The following DLG2 variants were observed in gnomAD, a reference collection of about 807,000 sequenced individuals.
The protein encoded by DLG2 is disks large homolog 2.
DLG2 carries 45 observed loss-of-function variants against 132.5 expected under a neutral mutation model. The observed-to-expected ratio is 0.34, with a 90% CI of 0.27 to 0.44. The LOEUF (loss-of-function observed/expected upper bound fraction) is 0.44, where lower values mean the gene tolerates loss of function less well. Among genes scored for constraint, DLG2 ranks in the 20% least tolerant of loss-of-function variants. The probability of loss-of-function intolerance (pLI) is 1.00; values close to 1 mark genes in which losing one functional copy is unlikely to be tolerated. For missense variants in DLG2, 1,045 were observed against 1,196.9 expected (o/e 0.87, Z 1.87); for synonymous variants, 424 against 419.6 (o/e 1.01, Z -0.13).
rs948467894 is a variant in DLG2, at chr11:85,459,967, T to C, written c.40+138690A>G. ...GGAGATCTGTACCACTCCCTAAACA[T>C]TAAGTACTCTGCAGAGCCTGAAGGC... On this transcript the variant is annotated intron_variant, in intron 3 of 27. Coordinates refer to ENST00000376104, the MANE Select transcript of DLG2 (RefSeq NM_001142699.3). Among the ~76,000 whole-genome samples the C allele has an allele frequency of 5.9e-5, 9 of 152,090 alleles. 1 individual carries two copies. In the South Asian group the frequency reaches 8.3e-4, roughly 14 times the overall value.
chr11:83,695,111 C>T (rs1254680458), intron 18 of DLG2, among the ~76,000 whole-genome samples: 2 of 152,200 alleles, frequency 1.3e-5, no homozygotes, highest in Admixed American at 1.3e-4. Flanking sequence ...ATTCAACTAT[C>T]ATTCCATGTG....
intron 6 of DLG2, among the ~76,000 whole-genome samples, chr11:84,565,256 G>A (rs1166503318): frequency 6.6e-6 from 1 of 152,168 alleles, no homozygotes; most frequent in African/African-American, 2.4e-5. Flanking sequence ...CCTGTAAAAT[G>A]TCTCTATTAG....
intron 7 of DLG2, among the ~76,000 whole-genome samples, chr11:84,425,433 T>G (rs1457743535): frequency 1.3e-5 from 2 of 152,172 alleles, no homozygotes; most frequent in African/African-American, 4.8e-5. Context: ...CATTTTATCC[T>G]GCTTTTTTCA....
Position 84,323,277 on chromosome 11 carries a change from A to C in DLG2, c.520-71986T>G, listed in dbSNP as rs74361555. 7.5e-3 allele frequency among the ~76,000 whole-genome samples: 1,141 copies of C among 152,300 alleles called. 15 individuals are homozygous for C. Among genetic ancestry groups the C allele is most frequent in the African/African-American group, 0.026 (1,063 of 41,560 alleles). On this transcript the variant is annotated intron_variant, in intron 7 of 27. Coordinates refer to ENST00000376104, the MANE Select transcript of DLG2 (RefSeq NM_001142699.3). ...AGTTTGACTAGTTCAGATACTTCTT[A>C]TAAGCAGCATAATACCATATTTGTC...
chr11:84,175,450 TC>T (rs1244715034), intron 8 of DLG2, among the ~76,000 whole-genome samples: 2 of 152,142 alleles, frequency 1.3e-5, no homozygotes, highest in Admixed American at 6.6e-5. Flanking sequence ...ATCTTTAAAA[TC>T]CCTTTTATTC....
intron 3 of DLG2, among the ~76,000 whole-genome samples, chr11:85,312,467 C>T (rs2080375983): frequency 6.6e-6 from 1 of 150,872 alleles, no homozygotes; most frequent in Non-Finnish European, 1.5e-5. Context: ...ATAAACTTAC[C>T]ATATTTAACA....
intron 16 of DLG2, among the ~76,000 whole-genome samples, chr11:83,856,609 T>C (rs1237160434): frequency 1.3e-5 from 2 of 152,220 alleles, no homozygotes; most frequent in African/African-American, 4.8e-5. Flanking sequence ...TATTTTCATA[T>C]GATAGCTGGC....
At chr11:84,655,740 T>G (rs987467651) in intron 6 of DLG2, among the ~76,000 whole-genome samples, 2 of 130,724 alleles carry the variant, frequency 1.5e-5, no homozygotes, top group African/African-American at 5.7e-5. Flanking sequence ...TTTTGTTTGT[T>G]TTTTTTTTTT....
intron 3 of DLG2, among the ~76,000 whole-genome samples, chr11:85,446,806 T>C (rs2092030788): frequency 6.6e-6 from 1 of 151,786 alleles, no homozygotes; most frequent in Non-Finnish European, 1.5e-5. Context: ...TGTGTGTGTG[T>C]GTGTGTGTGT....
intron 7 of DLG2, among the ~76,000 whole-genome samples, chr11:84,433,364 C>T (rs937039087): frequency 2.6e-5 from 4 of 152,052 alleles, no homozygotes; most frequent in African/African-American, 9.7e-5. Flanking sequence ...CTTCAACTGG[C>T]CTTTTAGAGT....
intron 15 of DLG2, among the ~76,000 whole-genome samples, chr11:83,875,403 G>C (rs2064502698): frequency 6.6e-6 from 1 of 152,164 alleles, no homozygotes; most frequent in African/African-American, 2.4e-5. Flanking sequence ...TTGAGATACA[G>C]AGAGGATTAG....
chr11:85,038,776 AG>A, intron 6 of DLG2, among the ~76,000 whole-genome samples: 1 of 152,100 alleles, frequency 6.6e-6, no homozygotes, highest in Non-Finnish European at 1.5e-5. Context: ...GGTTGAATGA[AG>A]GCTGTAGCAT....
intron 2 of DLG2, chr11:85,625,238 C>G (rs2081972406): frequency 6.6e-6 from 1 of 152,038 alleles, no homozygotes; most frequent in African/African-American, 2.4e-5. Context: ...ATAAGGTAAT[C>G]CAAAAGAAAC....
intron 3 of DLG2, among the ~76,000 whole-genome samples, chr11:85,312,383 C>T (rs1489713417): frequency 6.7e-6 from 1 of 150,316 alleles, no homozygotes; most frequent in Non-Finnish European, 1.5e-5. Context: ...TAATTTATAA[C>T]CTTATAAGTA....
At chr11:85,255,335 G>A (rs1031611902) in intron 4 of DLG2, among the ~76,000 whole-genome samples, 8 of 151,984 alleles carry the variant, frequency 5.3e-5, no homozygotes, top group Non-Finnish European at 1.0e-4. Context: ...ATATACAAAG[G>A]ATATTACATA....
At position 84,663,244 on chromosome 11, in the gene DLG2, TATA is replaced by T. The variant is rs749338263; in HGVS notation, c.358-128516_358-128514del. 5.2e-3 allele frequency among the ~76,000 whole-genome samples: 424 copies of T among 81,620 alleles called. 3 individuals are homozygous for T. The highest frequency in any genetic ancestry group is 0.019 in the African/African-American group (346 of 18,354). 53.5% of individuals were successfully genotyped at this position (81,620 alleles called of 152,430 possible). On this transcript the variant is annotated intron_variant, in intron 6 of 27. Coordinates refer to ENST00000376104, the MANE Select transcript of DLG2 (RefSeq NM_001142699.3). ...CCTTTACAGGTTATATATATATATA[TATA>T]TATTTTTTTTTCATATATTCTGCAT...
intron 3 of DLG2, among the ~76,000 whole-genome samples, chr11:85,416,202 G>C (rs2089831194): frequency 6.6e-6 from 1 of 150,868 alleles, no homozygotes; most frequent in South Asian, 2.1e-4. Flanking sequence ...CATTATTTCT[G>C]AGGCTTCTGT....
chr11:85,269,118 T>A (rs1046542489), intron 4 of DLG2, among the ~76,000 whole-genome samples: 1 of 152,222 alleles, frequency 6.6e-6, no homozygotes, highest in African/African-American at 2.4e-5. Context: ...CACTCAGATG[T>A]TTTCCTTTTC....
intron 3 of DLG2, among the ~76,000 whole-genome samples, chr11:85,503,488 G>A (rs2093852504): frequency 6.6e-6 from 1 of 152,044 alleles, no homozygotes. Flanking sequence ...CCTCCAAAAT[G>A]TAAGTTGAAA....
Sources: gnomAD v4.1 joint callset for allele counts (sites outside exome capture counted in the v4.1 genomes callset) on GRCh38, gnomAD v4.1.1 for gene constraint, MANE v1.5 for transcripts, NCBI Gene and HGNC (gene_info 2026-07-23, HGNC 2026-07-21) for gene names.